Variants in ADGRL2 observed in about 807,000 individuals in gnomAD.
The protein encoded by ADGRL2 is calcium-independent alpha-latrotoxin receptor 2.
A neutral mutation model predicts 157.4 loss-of-function variants in ADGRL2; 44 were observed. The observed-to-expected ratio is 0.28, with a 90% CI of 0.22 to 0.36. ADGRL2 has a LOEUF of 0.36. ADGRL2 is among the 10% of genes least tolerant of loss of function. The pLI is 1.00. For synonymous variants in ADGRL2, 585 were observed against 624.7 expected (o/e 0.94, Z 0.95); for missense variants, 1,510 against 1,768.9 (o/e 0.85, Z 2.63).
intron 1 of ADGRL2, among the ~76,000 whole-genome samples, chr1:81,350,902 G>A (rs34131093): frequency 0.19 from 28,436 of 151,942 alleles, 2,959 homozygotes; most frequent in Admixed American, 0.28. Context: ...CATTTTTATT[G>A]ACTTATGGCT....
At chr1:81,556,467 A>G (rs1309220345) in intron 2 of ADGRL2, among the ~76,000 whole-genome samples, 1 of 151,864 alleles carries the variant, frequency 6.6e-6, no homozygotes, top group Non-Finnish European at 1.5e-5. Context: ...CGTGAGCCAC[A>G]GAGCCCAGCC....
chr1:81,929,325 C>T (rs1042086429), intron 3 of ADGRL2, among the ~76,000 whole-genome samples: 6 of 152,002 alleles, frequency 3.9e-5, no homozygotes, highest in East Asian at 3.9e-4. Context: ...GCAGTGCCAT[C>T]GGTGACGGGG....
intron 2 of ADGRL2, chr1:81,501,662 G>C: frequency 6.9e-7 from 1 of 1,458,360 alleles, no homozygotes; most frequent in Admixed American, 2.0e-5. Context: ...CGCCTCCTCC[G>C]CCACCCGAAA....
At chr1:81,320,770 G>A (rs897263380) in intron 1 of ADGRL2, among the ~76,000 whole-genome samples, 1 of 152,158 alleles carries the variant, frequency 6.6e-6, no homozygotes, top group Non-Finnish European at 1.5e-5. Flanking sequence ...GGCACAGACA[G>A]AGTAGATTTA....
chr1:81,781,873 T>G (rs1233530317), intron 2 of ADGRL2, among the ~76,000 whole-genome samples: 1 of 152,192 alleles, frequency 6.6e-6, no homozygotes, highest in East Asian at 1.9e-4. Context: ...CCTAGGCACT[T>G]CCATGCAAGG....
intron 2 of ADGRL2, among the ~76,000 whole-genome samples, chr1:81,776,714 C>G (rs1557642181): frequency 6.6e-6 from 1 of 152,146 alleles, no homozygotes; most frequent in Admixed American, 6.5e-5. Context: ...CACAATACAA[C>G]TTAGATCCCT....
chr1:81,733,257 C>T (rs2084785011), intron 1 of ADGRL2, among the ~76,000 whole-genome samples: 1 of 152,158 alleles, frequency 6.6e-6, no homozygotes, highest in African/African-American at 2.4e-5. Context: ...AGAAAGCAGA[C>T]CAATCATTAA....
chr1:81,394,669 A>G (rs918906069), intron 1 of ADGRL2, among the ~76,000 whole-genome samples: 4 of 152,148 alleles, frequency 2.6e-5, no homozygotes, highest in Admixed American at 2.0e-4. Flanking sequence ...GCTGCCACAA[A>G]CATGGGAGTG....
chr1:81,780,688 G>C (rs569675533), intron 2 of ADGRL2, among the ~76,000 whole-genome samples: 1 of 152,078 alleles, frequency 6.6e-6, no homozygotes, highest in Non-Finnish European at 1.5e-5. Flanking sequence ...GAGATAATAC[G>C]TATATAATAA....
chr1:81,592,686 G>T (rs1345951125), intron 3 of ADGRL2, among the ~76,000 whole-genome samples: 1 of 152,166 alleles, frequency 6.6e-6, no homozygotes, highest in African/African-American at 2.4e-5. Flanking sequence ...TAAGCAAGAA[G>T]TATGTTCAGC....
At chr1:81,893,996 A>T (rs1319343290) in intron 2 of ADGRL2, among the ~76,000 whole-genome samples, 1 of 152,232 alleles carries the variant, frequency 6.6e-6, no homozygotes, top group East Asian at 1.9e-4. Context: ...TATAACCTTC[A>T]TACGAATTTT....
rs774874258 is a variant in ADGRL2 at position 81,967,422 on chromosome 1, T to C, written c.2350-604T>C. 3.3e-5 allele frequency among the ~76,000 whole-genome samples: 5 copies of C among 152,014 alleles called. No individual in the cohort carries two copies. The East Asian group carries it at 5.8e-4, about 18-fold the overall frequency. On this transcript the variant is annotated intron_variant, in intron 13 of 23. Transcript: ENST00000686636. Reference sequence around the variant, plus strand: ...GACTACAGGCGTCCTCCACCACGCCTGGCTAATTTTTTGTATTTTTAGTAG... The same window carrying C: ...GACTACAGGCGTCCTCCACCACGCCCGGCTAATTTTTTGTATTTTTAGTAG...
intron 4 of ADGRL2, among the ~76,000 whole-genome samples, chr1:81,940,819 TA>T (rs1222817484): frequency 1.3e-5 from 2 of 151,580 alleles, no homozygotes; most frequent in Non-Finnish European, 3.0e-5. Flanking sequence ...TTCAAGCCTA[TA>T]TACAATGTAA....
intron 2 of ADGRL2, among the ~76,000 whole-genome samples, chr1:81,448,469 C>A (rs896915616): frequency 2.0e-5 from 3 of 151,958 alleles, no homozygotes; most frequent in Non-Finnish European, 2.9e-5. Flanking sequence ...TTATAAATTA[C>A]CCTGTCTCAG....
chr1:81,324,067 G>T (rs553018164), intron 1 of ADGRL2, among the ~76,000 whole-genome samples: 1 of 152,300 alleles, frequency 6.6e-6, no homozygotes, highest in African/African-American at 2.4e-5. Flanking sequence ...GATACCTCTG[G>T]TTTTGTCTGG....
At chr1:81,550,359 C>A (rs1468732341) in intron 2 of ADGRL2, among the ~76,000 whole-genome samples, 1 of 152,030 alleles carries the variant, frequency 6.6e-6, no homozygotes, top group Non-Finnish European at 1.5e-5. Context: ...CCCAAAGTAA[C>A]ACAGTAAATT....
In ADGRL2 at chr1:81,564,648, C is replaced by T. The variant is rs112085304; in HGVS notation, c.-247-16228C>T. Reference sequence around the variant, plus strand: ...TATAGTCTTATCTCAGAAGTGACATCTCATCTCTTGCCATATTCTGTTCAT... The same window carrying T: ...TATAGTCTTATCTCAGAAGTGACATTTCATCTCTTGCCATATTCTGTTCAT... On this transcript the variant is annotated intron_variant, in intron 2 of 24. Coordinates refer to the ADGRL2 transcript ENST00000370721. 7.2e-3 allele frequency among the ~76,000 whole-genome samples: 1,089 copies of T among 152,236 alleles called. 21 individuals carry two copies. Among genetic ancestry groups the T allele is most frequent in the African/African-American group, 0.025 (1,042 of 41,542 alleles).
chr1:81,558,106 C>G (rs1356591147), intron 2 of ADGRL2, among the ~76,000 whole-genome samples: 1 of 152,152 alleles, frequency 6.6e-6, no homozygotes, highest in Non-Finnish European at 1.5e-5. Context: ...GCCTGGCACA[C>G]AGTAGGTGCT....
Position 81,990,582 on chromosome 1 carries a change from C to A in ADGRL2, c.3847C>A (p.Arg1283=), listed in dbSNP as rs748402076. The A allele has an allele frequency of 3.7e-6, 6 of 1,614,086 alleles. No individual in the cohort carries two copies. Among genetic ancestry groups the A allele is most frequent in the South Asian group, 2.2e-5 (2 of 91,090 alleles). The change falls in exon 24 of 24, where the codon CGG becomes AGG. Residue 1283 remains arginine, a synonymous_variant. Transcript: ENST00000686636. The stretch of plus-strand genomic sequence containing the variant: ...TTCAGAATTAGTGCACAACAACTTA[C>A]GGGGCAGCAGCAAGACTCACAACCT... The part of the protein sequence containing the change: ...IISELVHNNL[R]GSSKTHNLEL...
Sources: allele counts gnomAD v4.1 joint callset (sites outside exome capture counted in the v4.1 genomes callset), GRCh38; gene constraint gnomAD v4.1.1; transcripts MANE v1.5; gene names NCBI Gene and HGNC (gene_info 2026-07-23, HGNC 2026-07-21).